ADH7: variants seen among roughly 807,000 people sequenced by gnomAD.
The protein encoded by ADH7 is all-trans-retinol dehydrogenase [NAD(+)] ADH7.
ADH7 carries 41 observed loss-of-function variants against 34.4 expected under a neutral mutation model. The observed-to-expected ratio is 1.19, with a 90% CI of 0.93 to 1.55. The LOEUF (loss-of-function observed/expected upper bound fraction) is 1.55. Ranked by LOEUF, ADH7 falls within the 40% of genes most tolerant of loss-of-function variation. The pLI is 0.00. For missense variants in ADH7, 540 were observed against 461.2 expected (o/e 1.17, Z -1.56); for synonymous variants, 180 against 160.9 (o/e 1.12, Z -0.90).
Position 99,429,584 on chromosome 4 carries a change from G to C in ADH7, c.68C>G (p.Ser23Cys). The change falls in exon 2 of 9, where the codon TCC becomes TGC. Residue 23 changes from serine (S) to cysteine (C), a missense_variant. Transcript: ENST00000437033. ...TGGGGCAACTTCTATTTCCTCAATG[G>C]AGAAGGGTTGCTTCTGCTCCCAAAG... ...AVLWEQKQPF[S>C]IEEIEVAPPK... is the part of the protein sequence containing the mutation. The C allele has an allele frequency of 6.2e-7, 1 of 1,612,354 alleles. No homozygotes were observed. Among genetic ancestry groups the C allele is most frequent in the Non-Finnish European group, 8.5e-7 (1 of 1,179,202 alleles).
intron 1 of ADH7, among the ~76,000 whole-genome samples, chr4:99,431,986 A>G (rs1157327035): frequency 1.3e-5 from 2 of 152,322 alleles, no homozygotes; most frequent in East Asian, 3.9e-4. Context: ...AAAGAAATAT[A>G]AATCATCCTA....
rs760926540 is a variant in ADH7, at chr4:99,434,957, C to T, written c.18+259G>A. On this transcript the variant is annotated intron_variant, in intron 1 of 8. Transcript: ENST00000437033. ...TCCGGAAATCAAATTATGAATAATG[C>T]CAATATAAATCAATTTCTCTATTTT... is the stretch of plus-strand genomic sequence containing the variant. 7.2e-4 allele frequency: 933 copies of T among 1,300,232 alleles called. 12 individuals carry two copies. Among genetic ancestry groups the T allele is most frequent in the Non-Finnish European group, 1.4e-4 (131 of 935,954 alleles). The allele number at this position is 1,300,232 out of a possible 1,614,324, so 80.5% of individuals were successfully genotyped here. A position where few individuals can be genotyped will look rare whatever the true frequency, so the allele number is the denominator to read the frequency against.
In ADH7 at chr4:99,420,777, G is replaced by A. The variant is rs755845059; in HGVS notation, c.581C>T (p.Thr194Ile). 1 of 1,613,838 alleles carries A rather than the reference G, an allele frequency of 6.2e-7. No homozygotes were observed. Among genetic ancestry groups the A allele is most frequent in the South Asian group, 1.1e-5 (1 of 91,076 alleles). The change falls in exon 6 of 9, where the codon ACT (threonine) becomes ATT (isoleucine). Residue 194 changes from threonine to isoleucine, a missense_variant. Transcript: ENST00000437033. Reference sequence around the variant, plus strand: ...TCCTCCCAGGCCAAAGACGACGCAAGTGGAACCAGGTTTGACCTGTGGAGA... The same window carrying A: ...TCCTCCCAGGCCAAAGACGACGCAAATGGAACCAGGTTTGACCTGTGGAGA... ...VKTGKVKPGS[T>I]CVVFGLGGVG...
In ADH7 at chr4:99,428,073, T is replaced by C. The variant is rs2078665896; in HGVS notation, c.347+14A>G. On this transcript the variant is annotated intron_variant, in intron 4 of 8. Transcript: ENST00000437033. ...AAATGTAAATACATTAAAGTAAAAA[T>C]GACTGAAACCTACTCGCTCCTAATG... 2 of 1,613,720 alleles carry C rather than the reference T, an allele frequency of 1.2e-6. No individual in the cohort carries two copies. The highest frequency in any genetic ancestry group is 1.3e-5 in the African/African-American group (1 of 75,000).
In ADH7 at chr4:99,435,263, C is replaced by T. The variant is rs530982908; in HGVS notation, c.-30G>A. 16 of 1,613,242 alleles carry T rather than the reference C, an allele frequency of 9.9e-6. No individual in the cohort carries two copies. In the South Asian group the frequency reaches 1.6e-4, roughly 17 times the overall value. On this transcript the variant is annotated 5_prime_UTR_variant, in exon 1 of 9. Transcript: ENST00000437033. ...TCTTTGTCTTGGATCTGTATTTCTG[C>T]AAACATAGACTTTTTCTGACTGATG...
chr4:99,426,132 A>G (rs1191351601), intron 5 of ADH7, among the ~76,000 whole-genome samples: 1 of 152,214 alleles, frequency 6.6e-6, no homozygotes, highest in Non-Finnish European at 1.5e-5. Context: ...TGACACCCTA[A>G]CATCACAATT....
At position 99,427,781 on chromosome 4, in the gene ADH7, T is replaced by C; in HGVS notation, c.556A>G (p.Thr186Ala). ...CCTACCCTGTTTCTTACCTTGCCAG[T>C]TTTAACAGCAGCGCCATATCCAGTG... is the stretch of plus-strand genomic sequence containing the variant. The part of the protein sequence containing the change: ...FSTGYGAAVK[T>A]GKVKPGSTCV... Residue 186 changes from threonine to alanine, a missense_variant, in exon 5 of 9, where the codon ACT becomes GCT. By Grantham distance (58) the Thr-to-Ala change is moderately conservative. Coordinates refer to ENST00000437033, the MANE Select transcript of ADH7 (RefSeq NM_000673.7). 1 of 1,539,092 alleles carries C rather than the reference T, an allele frequency of 6.5e-7. No individual in the cohort carries two copies. The highest frequency in any genetic ancestry group is 8.8e-7 in the Non-Finnish European group (1 of 1,142,562).
intron 5 of ADH7, among the ~76,000 whole-genome samples, chr4:99,421,283 G>A (rs1289347591): frequency 1.3e-5 from 2 of 152,098 alleles, no homozygotes; most frequent in African/African-American, 4.8e-5. Flanking sequence ...AAACAGCATG[G>A]TACTGGTACC....
At chr4:99,431,865 G>A (rs1721944064) in intron 1 of ADH7, among the ~76,000 whole-genome samples, 1 of 152,212 alleles carries the variant, frequency 6.6e-6, no homozygotes, top group African/African-American at 2.4e-5. Flanking sequence ...TGCACTGATG[G>A]TGGGAAGGTT....
In ADH7 at chr4:99,415,627, G is replaced by A; in HGVS notation, c.962-11C>T. ...CTCTGCTTTTCAAACCTGCAAATAAGCACACATTTTCTCTTTAGACATTAC... is the reference window on the plus strand; with the variant it reads ...CTCTGCTTTTCAAACCTGCAAATAAACACACATTTTCTCTTTAGACATTAC... On this transcript the variant is annotated splice_polypyrimidine_tract_variant and intron_variant, in intron 7 of 8. Coordinates refer to ENST00000437033, the MANE Select transcript of ADH7 (RefSeq NM_000673.7). 2 of 1,610,412 alleles carry A rather than the reference G, an allele frequency of 1.2e-6. No individual in the cohort carries two copies. Among genetic ancestry groups the A allele is most frequent in the Non-Finnish European group, 1.7e-6 (2 of 1,178,332 alleles).
Position 99,413,035 on chromosome 4 carries a change from T to A in ADH7, c.*113A>T, listed in dbSNP as rs1721441609. ...ATAAGGGTTCTATGTCTTCAACAAA[T>A]CTTCTACTTATGCTTGTATTTGTGA... is the stretch of plus-strand genomic sequence containing the variant. On this transcript the variant is annotated 3_prime_UTR_variant, in exon 9 of 9. Transcript: ENST00000437033. The A allele has an allele frequency of 2.6e-6, 3 of 1,140,848 alleles. No homozygotes were observed. Among genetic ancestry groups the A allele is most frequent in the Non-Finnish European group, 2.6e-6 (2 of 772,266 alleles). The allele number at this position is 1,140,848 out of a possible 1,614,324, so 70.7% of individuals were successfully genotyped here.
intron 2 of ADH7, 26 bp downstream of exon 2, chr4:99,429,506 T>G: frequency 6.4e-7 from 1 of 1,565,190 alleles, no homozygotes; most frequent in Non-Finnish European, 8.8e-7. Flanking sequence ...CGCTTTTGGC[T>G]TAAGTTCTCT....
intron 5 of ADH7, among the ~76,000 whole-genome samples, chr4:99,425,122 C>T: frequency 6.6e-6 from 1 of 151,952 alleles, no homozygotes. Context: ...AATGTAAAGA[C>T]CATCGAGACT....
rs182271118 is a variant in ADH7, at chr4:99,431,352, A to G, written c.19-1719T>C. On this transcript the variant is annotated intron_variant, in intron 1 of 8. Coordinates refer to ENST00000437033, the MANE Select transcript of ADH7 (RefSeq NM_000673.7). ...AAGATGTGACTTAAATCTAAAACCC[A>G]AAACTCTAAAAACCCTGGAAGATAA... Among the ~76,000 whole-genome samples the G allele has an allele frequency of 2.1e-3, 326 of 152,316 alleles. 2 individuals carry two copies. The highest frequency in any genetic ancestry group is 7.5e-3 in the African/African-American group (310 of 41,554).
chr4:99,428,123 C>A lies in ADH7; in HGVS notation c.311G>T (p.Cys104Phe), dbSNP rs1721854989. 6.2e-7 allele frequency: 1 copy of A among 1,613,864 alleles called. No homozygotes were observed. Among genetic ancestry groups the A allele is most frequent in the Non-Finnish European group, 8.5e-7 (1 of 1,179,910 alleles). The change falls in exon 4 of 9, where the codon TGT becomes TTT. Residue 104 changes from cysteine to phenylalanine, a missense_variant. Transcript: ENST00000437033. The stretch of plus-strand genomic sequence containing the variant: ...GCAAAGGTTGCCATCTGGGTTGCGA[C>A]AAGCATTGCATTCTCTACATTGTGG... ...FLPQCRECNACRNPDGNLCIR... is the reference protein window; with the variant it reads ...FLPQCRECNAFRNPDGNLCIR...
At chr4:99,421,391 A>G (rs186012886) in intron 5 of ADH7, among the ~76,000 whole-genome samples, 1 of 152,208 alleles carries the variant, frequency 6.6e-6, no homozygotes, top group Admixed American at 6.5e-5. Flanking sequence ...ACAAAAACAA[A>G]CAATGGGGAA....
chr4:99,429,171 T>A (rs1721884182), intron 2 of ADH7, among the ~76,000 whole-genome samples: 1 of 152,184 alleles, frequency 6.6e-6, no homozygotes, highest in South Asian at 2.1e-4. Context: ...CAGGCACAAG[T>A]GAGTTCCTCA....
chr4:99,413,191 G>A lies in ADH7; in HGVS notation c.1101-19C>T, dbSNP rs775807002. ...TCGAATGCTGAAATGTAAAATGAGA[G>A]TTTTTAATGACTTGTTTTCATATCT... is the stretch of plus-strand genomic sequence containing the variant. On this transcript the variant is annotated intron_variant, in intron 8 of 8. Coordinates refer to ENST00000437033, the MANE Select transcript of ADH7 (RefSeq NM_000673.7). The A allele has an allele frequency of 4.0e-5, 64 of 1,612,394 alleles. 2 individuals carry two copies. In the East Asian group the frequency reaches 4.5e-4, roughly 11 times the overall value.
intron 7 of ADH7, 84 bp downstream of exon 7, chr4:99,418,902 G>A (rs1419580620): frequency 1.9e-5 from 29 of 1,495,050 alleles, no homozygotes; most frequent in Non-Finnish European, 1.5e-5. Flanking sequence ...TTGGAAGAAA[G>A]GCCTGAGGAA....
Sources: allele counts gnomAD v4.1 joint callset (sites outside exome capture counted in the v4.1 genomes callset), GRCh38; gene constraint gnomAD v4.1.1; transcripts MANE v1.5; gene names NCBI Gene and HGNC (gene_info 2026-07-23, HGNC 2026-07-21).